PRKD3: variants seen among roughly 807,000 people sequenced by gnomAD.
PRKD3 encodes the protein serine/threonine-protein kinase D3.
Under a neutral mutation model 99.2 loss-of-function variants are expected in PRKD3, and 47 were observed. The ratio of observed to expected loss-of-function variants is 0.47; its 90% CI spans 0.38 to 0.60. The LOEUF (loss-of-function observed/expected upper bound fraction) is 0.60. Ranked by LOEUF, PRKD3 falls within the 20% of genes least tolerant of loss-of-function variation. The pLI is 0.00. For missense variants in PRKD3, 1,019 were observed against 1,088.4 expected (o/e 0.94, Z 0.90); for synonymous variants, 392 against 355.4 (o/e 1.10, Z -1.16).
At chr2:37,296,667 G>A (rs1318704784) in intron 2 of PRKD3, among the ~76,000 whole-genome samples, 1 of 152,004 alleles carries the variant, frequency 6.6e-6, no homozygotes, top group Non-Finnish European at 1.5e-5. Flanking sequence ...GGAGGCCGCG[G>A]CGGGAAGATC....
Position 37,289,864 on chromosome 2 carries a change from T to TTA in PRKD3, c.560-352_560-351insTA, listed in dbSNP as rs767534251. On this transcript the variant is annotated intron_variant, in intron 4 of 18. Transcript: ENST00000234179. ...TGTGTTTTACGATGCACAATACAGT[T>TTA]TGAGAACCACTGCCTTAAAGCACTA... Among the ~76,000 whole-genome samples, 7 of 152,314 alleles carry TTA rather than the reference T, an allele frequency of 4.6e-5. No homozygotes were observed. The East Asian group carries it at 9.6e-4, about 21-fold the overall frequency.
intron 6 of PRKD3, among the ~76,000 whole-genome samples, chr2:37,285,166 C>G (rs1464914752): frequency 6.6e-6 from 1 of 152,144 alleles, no homozygotes; most frequent in East Asian, 1.9e-4. Flanking sequence ...TACTTATATC[C>G]TATCCTGGCT....
chr2:37,281,649 A>G (rs1669862598), intron 7 of PRKD3, among the ~76,000 whole-genome samples: 1 of 152,190 alleles, frequency 6.6e-6, no homozygotes, highest in South Asian at 2.1e-4. Flanking sequence ...TGAAAAATAA[A>G]CTTCTGTTGT....
intron 13 of PRKD3, 62 bp downstream of exon 13, chr2:37,269,553 G>T: frequency 7.1e-7 from 1 of 1,417,164 alleles, no homozygotes; most frequent in Non-Finnish European, 1.0e-6. Flanking sequence ...GCTGGCAGAT[G>T]TTTTACATTT....
At chr2:37,272,857 C>T (rs1239615258) in intron 11 of PRKD3, among the ~76,000 whole-genome samples, 2 of 151,988 alleles carry the variant, frequency 1.3e-5, no homozygotes, top group Non-Finnish European at 2.9e-5. Context: ...GTGGTGTGCA[C>T]CGGTAGTCCT....
chr2:37,260,376 G>C lies in PRKD3; in HGVS notation c.1893C>G (p.His631Gln), dbSNP rs755416384. The C allele has an allele frequency of 1.2e-6, 2 of 1,610,824 alleles. No homozygotes were observed. The highest frequency in any genetic ancestry group is 1.7e-6 in the Non-Finnish European group (2 of 1,177,246). ...ATTCCAGGTTTACAATCCCAGGATG[G>C]TGCAAATTCTGAAGAGAGGTTGCAA... ...RNEVAILQNL[H>Q]HPGIVNLECM... The change falls in exon 15 of 19, where the codon CAC (histidine) becomes CAG (glutamine). Residue 631 changes from histidine (H) to glutamine (Q), a missense_variant. By Grantham distance (24) the His-to-Gln change is conservative (BLOSUM62 0). Around this residue, in one of 3 missense-constraint regions of PRKD3, gnomAD observed 184 missense variants for 275.1 expected, o/e 0.67. Transcript: ENST00000234179.
intron 2 of PRKD3, among the ~76,000 whole-genome samples, chr2:37,303,734 CCCAG>C (rs758116606): frequency 1.2e-4 from 18 of 152,238 alleles, no homozygotes; most frequent in Non-Finnish European, 1.3e-4. Flanking sequence ...AGCTGCCGTG[CCCAG>C]CCAGTATGTA....
chr2:37,282,926 A>T (rs1392144077), intron 6 of PRKD3, among the ~76,000 whole-genome samples: 6 of 152,152 alleles, frequency 3.9e-5, no homozygotes, highest in Non-Finnish European at 7.3e-5. Context: ...TTAAATTCCT[A>T]TCCAACATAT....
chr2:37,301,726 A>C (rs1447816508), intron 2 of PRKD3, among the ~76,000 whole-genome samples: 1 of 152,228 alleles, frequency 6.6e-6, no homozygotes, highest in Non-Finnish European at 1.5e-5. Context: ...GTGTATATAT[A>C]TCCCTTCTAA....
intron 10 of PRKD3, 96 bp from the exon 11 acceptor site, chr2:37,274,793 C>T: frequency 8.4e-7 from 1 of 1,196,060 alleles, no homozygotes; most frequent in East Asian, 2.5e-5. Context: ...TCAATGAATG[C>T]CATTAAGACG....
intron 13 of PRKD3, chr2:37,269,070 G>T (rs1669039729): frequency 6.5e-6 from 1 of 154,454 alleles, no homozygotes; most frequent in South Asian, 2.0e-4. Context: ...CATATATTAA[G>T]TTTAATTAAT....
At position 37,253,032 on chromosome 2, in the gene PRKD3, A is replaced by G. The variant is rs1261031688; in HGVS notation, c.*145T>C. 7 of 726,354 alleles carry G rather than the reference A, an allele frequency of 9.6e-6. No individual in the cohort carries two copies. Among genetic ancestry groups the G allele is most frequent in the Non-Finnish European group, 1.4e-5 (7 of 487,948 alleles). The allele number at this position is 726,354 out of a possible 1,614,324, so 45.0% of individuals were successfully genotyped here. A position where few individuals can be genotyped will look rare whatever the true frequency, so the allele number is the denominator to read the frequency against. On this transcript the variant is annotated 3_prime_UTR_variant, in exon 19 of 19. Transcript: ENST00000234179. ...TTCCCGCCTGTACCTACTCATTATG[A>G]ACTACAGTACTGGTGTCACTTATTC...
intron 2 of PRKD3, among the ~76,000 whole-genome samples, chr2:37,304,421 C>G (rs1476586025): frequency 3.9e-5 from 6 of 152,062 alleles, no homozygotes; most frequent in African/African-American, 1.4e-4. Flanking sequence ...CATCATTAAC[C>G]TGAACCCAGA....
At chr2:37,315,571 G>C (rs1671621917) in intron 2 of PRKD3, among the ~76,000 whole-genome samples, 1 of 152,186 alleles carries the variant, frequency 6.6e-6, no homozygotes, top group African/African-American at 2.4e-5. Flanking sequence ...TCAGCTGCTA[G>C]CTACTGTGTC....
At chr2:37,259,052 G>GGAA (rs201390894) in intron 16 of PRKD3, among the ~76,000 whole-genome samples, 17,360 of 148,668 alleles carry the variant, frequency 0.12, 1,377 homozygotes, top group East Asian at 0.34. Context: ...TGAACACTTG[G>GGAA]AAAAAAAAAA....
In PRKD3 at chr2:37,289,341, C is replaced by A; in HGVS notation, c.717+15G>T. 1 of 1,612,876 alleles carries A rather than the reference C, an allele frequency of 6.2e-7. No individual in the cohort carries two copies. Among genetic ancestry groups the A allele is most frequent in the South Asian group, 1.1e-5 (1 of 90,872 alleles). ...ATAACTACTACTAAAATGTCTATTA[C>A]CTTAGAATACGTACCTCTTCACTGG... On this transcript the variant is annotated intron_variant, in intron 5 of 18. Transcript: ENST00000234179.
intron 16 of PRKD3, among the ~76,000 whole-genome samples, chr2:37,258,745 G>C (rs1668174209): frequency 6.6e-6 from 1 of 152,136 alleles, no homozygotes; most frequent in Non-Finnish European, 1.5e-5. Context: ...TACTTTAAAA[G>C]CTGAACGATT....
intron 3 of PRKD3, among the ~76,000 whole-genome samples, chr2:37,291,513 T>TTCC (rs1196049345): frequency 1.7e-4 from 26 of 152,306 alleles, no homozygotes; most frequent in African/African-American, 6.3e-4. Context: ...CCCAAGGAAC[T>TTCC]TCCTCTCACC....
At chr2:37,294,002 G>A (rs529295473) in intron 2 of PRKD3, among the ~76,000 whole-genome samples, 10 of 152,202 alleles carry the variant, frequency 6.6e-5, no homozygotes, top group African/African-American at 2.2e-4. Flanking sequence ...GGATCTTATG[G>A]GATGTGTTTT....
Sources: allele counts gnomAD v4.1 joint callset (sites outside exome capture counted in the v4.1 genomes callset), GRCh38; gene constraint gnomAD v4.1.1; regional missense constraint gnomAD v4.1.1; transcripts MANE v1.5; gene names NCBI Gene and HGNC (gene_info 2026-07-23, HGNC 2026-07-21).